ATAD2B: variants seen among roughly 807,000 people sequenced by gnomAD.
ATAD2B encodes the protein ATPase family AAA domain containing 2B.
Under a neutral mutation model 167.6 loss-of-function variants are expected in ATAD2B, and 40 were observed. That is an observed-to-expected ratio of 0.24 (90% CI 0.19 to 0.31). ATAD2B has a LOEUF of 0.31. Among genes scored for constraint, ATAD2B ranks in the 10% least tolerant of loss-of-function variants. The pLI, the probability that ATAD2B is intolerant of heterozygous loss-of-function variation, is 1.00. For synonymous variants in ATAD2B, 579 were observed against 596.5 expected (o/e 0.97, Z 0.43); for missense variants, 1,242 against 1,757.2 (o/e 0.71, Z 5.24).
At chr2:23,859,068 C>G (rs1693924408) in intron 12 of ATAD2B, among the ~76,000 whole-genome samples, 1 of 151,758 alleles carries the variant, frequency 6.6e-6, no homozygotes, top group Admixed American at 6.6e-5. Context: ...ATCATTTTAC[C>G]CTCTAACCAG....
At chr2:23,911,756 C>A (rs1360835088) in intron 1 of ATAD2B, among the ~76,000 whole-genome samples, 1 of 152,064 alleles carries the variant, frequency 6.6e-6, no homozygotes, top group Non-Finnish European at 1.5e-5. Flanking sequence ...AGGTGGATCA[C>A]CTGAAGTCAG....
Position 23,751,927 on chromosome 2 carries a change from T to TTC in ATAD2B, c.*118_*119insGA. The TTC allele has an allele frequency of 1.2e-6, 1 of 806,512 alleles. No individual in the cohort carries two copies. The highest frequency in any genetic ancestry group is 2.0e-6 in the Non-Finnish European group (1 of 501,786). The allele number at this position is 806,512 out of a possible 1,614,324, so 50.0% of individuals were successfully genotyped here. A position where few individuals can be genotyped will look rare whatever the true frequency, so the allele number is the denominator to read the frequency against. On this transcript the variant is annotated 3_prime_UTR_variant, in exon 28 of 28. Coordinates refer to ENST00000238789, the MANE Select transcript of ATAD2B (RefSeq NM_017552.4). ...AAATTCAACAGAGAGAAAGAATGAG[T>TTC]GAGAGAGCACTTTACACCAAGGCTC...
chr2:23,747,613 C>T (rs991769798), downstream of ATAD2B, among the ~76,000 whole-genome samples: 1 of 151,972 alleles, frequency 6.6e-6, no homozygotes, highest in African/African-American at 2.4e-5. Flanking sequence ...TTATTGTGTC[C>T]CTTCTGTTAA....
chr2:23,737,381 C>T, the ATAD2B span, among the ~76,000 whole-genome samples: 17 of 152,160 alleles, frequency 1.1e-4, no homozygotes, highest in Non-Finnish European at 1.6e-4. Flanking sequence ...GCAGCATTTG[C>T]GGTTCACCAA....
In ATAD2B at chr2:23,889,566, T is replaced by C. The variant is rs897497292; in HGVS notation, c.369-1167A>G. On this transcript the variant is annotated intron_variant, in intron 2 of 27. Transcript: ENST00000238789. ...CTCTTCAAGTTAAATTATAAATATA[T>C]TGTACATCACAATACCCCTGGCCCA... 7.9e-5 allele frequency among the ~76,000 whole-genome samples: 12 copies of C among 152,142 alleles called. No homozygotes were observed. The South Asian group carries it at 1.4e-3, about 18-fold the overall frequency.
chr2:23,695,906 C>T, the ATAD2B span: 2 of 1,539,586 alleles, frequency 1.3e-6, no homozygotes, highest in Non-Finnish European at 1.8e-6. This position sits in a 1 kb window ranked among gnomAD's most constrained non-coding sequence, Gnocchi z 7.6. Context: ...CAGATGCCGA[C>T]AGTCTTAGAG....
At chr2:23,867,596 T>C (rs549853767) in intron 10 of ATAD2B, among the ~76,000 whole-genome samples, 1 of 152,308 alleles carries the variant, frequency 6.6e-6, no homozygotes, top group Non-Finnish European at 1.5e-5. Flanking sequence ...TTATGAAGCC[T>C]TGCCCCTCAT....
chr2:23,774,860 A>G (rs940577641), intron 22 of ATAD2B, among the ~76,000 whole-genome samples: 7 of 152,250 alleles, frequency 4.6e-5, no homozygotes, highest in Non-Finnish European at 8.8e-5. Flanking sequence ...AGATCGTGCC[A>G]TTGTGCTCCA....
intron 2 of ATAD2B, 83 bp from the exon 3 acceptor site, chr2:23,888,482 T>C (rs1036412763): frequency 1.1e-6 from 1 of 891,682 alleles, no homozygotes; most frequent in Non-Finnish European, 1.7e-6. Flanking sequence ...GGAATTATTT[T>C]AATCTTTAAA....
the ATAD2B span, among the ~76,000 whole-genome samples, chr2:23,734,893 C>G: frequency 6.6e-6 from 1 of 152,148 alleles, no homozygotes; most frequent in East Asian, 1.9e-4. Flanking sequence ...CTTAATATGT[C>G]TTTTACTGAA....
the ATAD2B span, among the ~76,000 whole-genome samples, chr2:23,723,706 A>AG: frequency 2.0e-5 from 3 of 152,186 alleles, no homozygotes; most frequent in Non-Finnish European, 2.9e-5. Flanking sequence ...AACAGTATGG[A>AG]GGGTCTTCAC....
chr2:23,822,262 C>A (rs931597096), intron 16 of ATAD2B, among the ~76,000 whole-genome samples: 1 of 152,130 alleles, frequency 6.6e-6, no homozygotes, highest in South Asian at 2.1e-4. Context: ...AGGCTGGGCG[C>A]GATGACTCAC....
chr2:23,803,271 C>T (rs1173145383), intron 18 of ATAD2B, among the ~76,000 whole-genome samples: 2 of 151,994 alleles, frequency 1.3e-5, no homozygotes, highest in African/African-American at 2.4e-5. Flanking sequence ...TTCTCATTCT[C>T]CTTCCAAAGC....
At chr2:23,762,187 T>C in intron 24 of ATAD2B, 22 bp downstream of exon 24, 2 of 1,611,760 alleles carry the variant, frequency 1.2e-6, no homozygotes, top group Non-Finnish European at 1.7e-6. Flanking sequence ...CACTACTGGA[T>C]AACATGAGCT....
At chr2:23,711,680 G>C in the ATAD2B span, among the ~76,000 whole-genome samples, 2 of 151,916 alleles carry the variant, frequency 1.3e-5, no homozygotes, top group Non-Finnish European at 2.9e-5. Flanking sequence ...CCTTTCCCCA[G>C]AATTTCAGTC....
chr2:23,825,815 C>T (rs1183663702), intron 15 of ATAD2B, among the ~76,000 whole-genome samples: 1 of 152,054 alleles, frequency 6.6e-6, no homozygotes, highest in African/African-American at 2.4e-5. Flanking sequence ...AATAATTAGC[C>T]ACTAGAAGGC....
chr2:23,712,708 A>T, the ATAD2B span, among the ~76,000 whole-genome samples: 35 of 152,286 alleles, frequency 2.3e-4, no homozygotes, highest in African/African-American at 8.2e-4. Flanking sequence ...CTGTTTTCAC[A>T]TGATGGTAAA....
the ATAD2B span, among the ~76,000 whole-genome samples, chr2:23,682,271 G>C: frequency 4.0e-5 from 6 of 151,822 alleles, no homozygotes; most frequent in South Asian, 8.3e-4. The surrounding 1 kb of genome is among the most constrained non-coding windows in gnomAD (Gnocchi z 4.1). Flanking sequence ...AGCGCTCCCT[G>C]TGTGCCCGCC....
chr2:23,751,964 G>T lies in ATAD2B; in HGVS notation c.*82C>A, dbSNP rs1675396849. 1.9e-6 allele frequency: 2 copies of T among 1,046,946 alleles called. No individual in the cohort carries two copies. Among genetic ancestry groups the T allele is most frequent in the Non-Finnish European group, 1.4e-6 (1 of 697,736 alleles). The allele number at this position is 1,046,946 out of a possible 1,614,324, so 64.9% of individuals were successfully genotyped here. On this transcript the variant is annotated 3_prime_UTR_variant, in exon 28 of 28. Transcript: ENST00000238789. Reference sequence around the variant, plus strand: ...TTACACCAAGGCTCTGCACATAATTGGTGCAATTTGAAATTGAATGGCTCA... The same window carrying T: ...TTACACCAAGGCTCTGCACATAATTTGTGCAATTTGAAATTGAATGGCTCA...
Sources: gnomAD v4.1 joint callset for allele counts (sites outside exome capture counted in the v4.1 genomes callset) on GRCh38, gnomAD v4.1.1 for gene constraint, Gnocchi (gnomAD v3.1) non-coding constraint, MANE v1.5 for transcripts, NCBI Gene and HGNC (gene_info 2026-07-23, HGNC 2026-07-21) for gene names.